Variants in PEBP4 observed in about 807,000 individuals in gnomAD.
The protein encoded by PEBP4 is phosphatidylethanolamine-binding protein 4.
PEBP4 carries 22 observed loss-of-function variants against 23.9 expected under a neutral mutation model. That is an observed-to-expected ratio of 0.92 (90% confidence interval 0.66 to 1.31). The LOEUF is 1.31. Among genes scored for constraint, PEBP4 ranks in the 40% most tolerant of loss-of-function variants. The probability of loss-of-function intolerance (pLI) is 0.00; values close to 1 mark genes in which losing one functional copy is unlikely to be tolerated. For missense variants in PEBP4, 324 were observed against 281.7 expected, an observed-to-expected ratio of 1.15 and a Z score of -1.07; for synonymous variants, 112 against 99.3, an observed-to-expected ratio of 1.13 and a Z score of -0.76.
intron 4 of PEBP4, among the ~76,000 whole-genome samples, chr8:22,793,342 C>A (rs1806178937): frequency 6.6e-6 from 1 of 152,130 alleles, no homozygotes; most frequent in Non-Finnish European, 1.5e-5. Flanking sequence ...TCTTGGCTCA[C>A]TGCAACCTCT....
chr8:22,854,999 C>CGT (rs1807612982), intron 3 of PEBP4, among the ~76,000 whole-genome samples: 3 of 51,660 alleles, frequency 5.8e-5, no homozygotes, highest in Admixed American at 4.8e-4. Context: ...TGAGTATGCA[C>CGT]GCACACACAC....
chr8:22,815,354 A>G (rs1173735215), intron 4 of PEBP4, among the ~76,000 whole-genome samples: 1 of 152,198 alleles, frequency 6.6e-6, no homozygotes, highest in East Asian at 1.9e-4. Flanking sequence ...GGTAGTGCCT[A>G]GGCAGCTGCA....
intron 3 of PEBP4, among the ~76,000 whole-genome samples, chr8:22,901,824 AG>A (rs1808717572): frequency 1.3e-5 from 2 of 152,222 alleles, no homozygotes; most frequent in African/African-American, 4.8e-5. Context: ...CATTTAACAA[AG>A]GTTAAATCAT....
intron 3 of PEBP4, among the ~76,000 whole-genome samples, chr8:22,854,987 TGTGA>T (rs777278781): frequency 2.0e-5 from 3 of 146,950 alleles, no homozygotes; most frequent in Non-Finnish European, 4.5e-5. Flanking sequence ...AGTGTGTATG[TGTGA>T]GTATGCACGC....
At chr8:22,817,523 G>C in intron 4 of PEBP4, 114 bp downstream of exon 4, 1 of 954,558 alleles carries the variant, frequency 1.0e-6, no homozygotes, top group Non-Finnish European at 1.6e-6. Flanking sequence ...GGGGGAGATG[G>C]GACACAGAAG....
chr8:22,802,310 C>A (rs983878636), intron 4 of PEBP4, among the ~76,000 whole-genome samples: 2 of 152,192 alleles, frequency 1.3e-5, no homozygotes, highest in African/African-American at 2.4e-5. Flanking sequence ...GGCCTTCCCA[C>A]CCATCCCCAC....
intron 4 of PEBP4, among the ~76,000 whole-genome samples, chr8:22,776,784 G>C (rs1191349781): frequency 6.8e-6 from 1 of 146,952 alleles, no homozygotes; most frequent in Non-Finnish European, 1.5e-5. Flanking sequence ...TTTCTGATCG[G>C]GCATCCGAGA....
At chr8:22,743,835 C>T (rs939686720) in intron 4 of PEBP4, among the ~76,000 whole-genome samples, 3 of 152,226 alleles carry the variant, frequency 2.0e-5, no homozygotes, top group African/African-American at 7.2e-5. Context: ...AGTTGCAATT[C>T]CAACACCTGA....
intron 3 of PEBP4, among the ~76,000 whole-genome samples, chr8:22,827,934 T>A (rs1223878331): frequency 6.6e-6 from 1 of 152,236 alleles, no homozygotes; most frequent in African/African-American, 2.4e-5. Flanking sequence ...TGTAAACTGG[T>A]ATCTCATGTT....
chr8:22,776,996 C>G (rs1479947195), intron 4 of PEBP4, among the ~76,000 whole-genome samples: 1 of 151,594 alleles, frequency 6.6e-6, no homozygotes, highest in South Asian at 2.1e-4. Context: ...GGAAGGGCAC[C>G]GATCAGAATG....
At chr8:22,779,669 A>G (rs760594066) in intron 4 of PEBP4, among the ~76,000 whole-genome samples, 1 of 152,232 alleles carries the variant, frequency 6.6e-6, no homozygotes. Context: ...GCAAATATCT[A>G]TGAACCACTG....
intron 3 of PEBP4, among the ~76,000 whole-genome samples, chr8:22,910,535 C>T (rs1356254983): frequency 6.6e-6 from 1 of 152,188 alleles, no homozygotes; most frequent in Non-Finnish European, 1.5e-5. Context: ...GGAATCCTTG[C>T]TAGAAACACC....
At chr8:22,888,756 AG>A (rs1266068064) in intron 3 of PEBP4, among the ~76,000 whole-genome samples, 1 of 152,226 alleles carries the variant, frequency 6.6e-6, no homozygotes, top group East Asian at 1.9e-4. Flanking sequence ...CTCTGCCACC[AG>A]GCCCTTGTGC....
At chr8:22,898,664 C>G (rs1808646602) in intron 3 of PEBP4, among the ~76,000 whole-genome samples, 1 of 152,206 alleles carries the variant, frequency 6.6e-6, no homozygotes, top group Non-Finnish European at 1.5e-5. Context: ...CTAGAGGTGG[C>G]CCCTTGGCTG....
chr8:22,741,322 T>C (rs1343148018), intron 4 of PEBP4, among the ~76,000 whole-genome samples: 2 of 152,218 alleles, frequency 1.3e-5, no homozygotes, highest in African/African-American at 2.4e-5. Context: ...TTCATTTGTC[T>C]GAGCCAACGG....
At chr8:22,915,462 C>A (rs115294332) in intron 3 of PEBP4, among the ~76,000 whole-genome samples, 1 of 151,888 alleles carries the variant, frequency 6.6e-6, no homozygotes, top group Non-Finnish European at 1.5e-5. Context: ...TGCTGGGTCC[C>A]GGCTCACTGA....
At chr8:22,875,472 C>A (rs1006655362) in intron 3 of PEBP4, among the ~76,000 whole-genome samples, 1 of 152,162 alleles carries the variant, frequency 6.6e-6, no homozygotes, top group Non-Finnish European at 1.5e-5. Context: ...CTTCTCCCTC[C>A]TCCCACCTTC....
chr8:22,779,901 C>T (rs972024883), intron 4 of PEBP4, among the ~76,000 whole-genome samples: 1 of 152,056 alleles, frequency 6.6e-6, no homozygotes, highest in Non-Finnish European at 1.5e-5. Flanking sequence ...CAGTAGTTTG[C>T]CAGGGAAAGT....
intron 3 of PEBP4, among the ~76,000 whole-genome samples, chr8:22,846,916 C>G (rs1401361486): frequency 6.6e-6 from 1 of 152,128 alleles, no homozygotes. Context: ...GATCCCAGCA[C>G]TTTGATAGGC....
Sources: gnomAD v4.1 joint callset for allele counts (sites outside exome capture counted in the v4.1 genomes callset) on GRCh38, gnomAD v4.1.1 for gene constraint, MANE v1.5 for transcripts, NCBI Gene and HGNC (gene_info 2026-07-23, HGNC 2026-07-21) for gene names.